Variants in RAB11FIP3 observed in about 807,000 individuals in gnomAD.
RAB11FIP3 encodes rab11 family-interacting protein 3.
In RAB11FIP3, 17 loss-of-function variants were observed where a neutral mutation model predicts 77.8. That is an observed-to-expected ratio of 0.22 (90% CI 0.15 to 0.33). RAB11FIP3 has a LOEUF of 0.33. Ranked by LOEUF, RAB11FIP3 falls within the 10% of genes least tolerant of loss-of-function variation. The probability of loss-of-function intolerance (pLI) is 1.00; values close to 1 mark genes in which losing one functional copy is unlikely to be tolerated. For synonymous variants in RAB11FIP3, 437 were observed against 448.2 expected, an observed-to-expected ratio of 0.98 and a Z score of 0.31; for missense variants, 1,005 against 1,011.2, an observed-to-expected ratio of 0.99 and a Z score of 0.08.
chr16:431,368 C>T (rs1275079781), intron 1 of RAB11FIP3, among the ~76,000 whole-genome samples: 1 of 151,492 alleles, frequency 6.6e-6, no homozygotes, highest in African/African-American at 2.4e-5. Flanking sequence ...TATTTTACTA[C>T]ATTTCTTTTC....
At chr16:444,260 A>G (rs557246281) in intron 1 of RAB11FIP3, among the ~76,000 whole-genome samples, 2 of 152,286 alleles carry the variant, frequency 1.3e-5, no homozygotes, top group African/African-American at 4.8e-5. Context: ...AATAAAGAAC[A>G]TGGAAATGCC....
intron 1 of RAB11FIP3, among the ~76,000 whole-genome samples, chr16:433,691 A>G (rs2055079238): frequency 6.6e-6 from 1 of 150,964 alleles, no homozygotes; most frequent in Non-Finnish European, 1.5e-5. Flanking sequence ...TACTAAAAAT[A>G]CAAAAAAAAA....
intron 9 of RAB11FIP3, among the ~76,000 whole-genome samples, chr16:517,795 G>T (rs1431902900): frequency 6.6e-6 from 1 of 151,666 alleles, no homozygotes; most frequent in Non-Finnish European, 1.5e-5. Flanking sequence ...TTTGATACAG[G>T]ATCTTGGCCG....
intron 9 of RAB11FIP3, among the ~76,000 whole-genome samples, chr16:516,830 G>A (rs2032437914): frequency 6.6e-6 from 1 of 152,134 alleles, no homozygotes; most frequent in South Asian, 2.1e-4. Flanking sequence ...TCCAGCTTGG[G>A]CGACAAGAGC....
At chr16:480,306 A>AAAAAAG (rs2056013455) in intron 3 of RAB11FIP3, among the ~76,000 whole-genome samples, 1 of 150,050 alleles carries the variant, frequency 6.7e-6, no homozygotes, top group South Asian at 2.1e-4. Flanking sequence ...AAAAAAAAAA[A>AAAAAAG]GTTGAATTGT....
intron 1 of RAB11FIP3, among the ~76,000 whole-genome samples, chr16:439,983 A>G (rs2055197422): frequency 1.3e-5 from 2 of 151,728 alleles, no homozygotes; most frequent in Admixed American, 1.3e-4. Flanking sequence ...AGCTGGGACT[A>G]CAGGTGCCTG....
chr16:517,954 C>T (rs1003433014), intron 9 of RAB11FIP3, among the ~76,000 whole-genome samples: 2 of 152,128 alleles, frequency 1.3e-5, no homozygotes, highest in Non-Finnish European at 2.9e-5. Context: ...TGGTGGCAGT[C>T]GCCTGTAGTC....
In RAB11FIP3 at chr16:520,780, A is replaced by G. The variant is rs1173096718; in HGVS notation, c.2212A>G (p.Ile738Val). 4 of 1,613,692 alleles carry G rather than the reference A, an allele frequency of 2.5e-6. No homozygotes were observed. The African/African-American group carries it at 4.0e-5, about 16-fold the overall frequency. The change falls in exon 14 of 14, where the codon ATC (isoleucine) becomes GTC (valine). Residue 738 changes from isoleucine to valine, a missense_variant. Coordinates refer to ENST00000262305, the MANE Select transcript of RAB11FIP3 (RefSeq NM_014700.4). ...EEINFRLQDY[I>V]DRIIVAIMET... ...GATCAACTTCCGCCTGCAGGACTAC[A>G]TCGACAGGATCATCGTGGCCATCAT... is the stretch of plus-strand genomic sequence containing the variant.
Position 506,112 on chromosome 16 carries a change from G to T in RAB11FIP3, c.1499+485G>T, listed in dbSNP as rs1260506022. 6.6e-6 allele frequency among the ~76,000 whole-genome samples: 1 copy of T among 152,248 alleles called. No individual in the cohort carries two copies. The highest frequency in any genetic ancestry group is 1.5e-5 in the Non-Finnish European group (1 of 68,038). ...AGGACGCGCAGTCTCATCGCTGTGGGCAGGAGTGCTGGGGAGGAAGCGAAG... is the reference window on the plus strand; with the variant it reads ...AGGACGCGCAGTCTCATCGCTGTGGTCAGGAGTGCTGGGGAGGAAGCGAAG... On this transcript the variant is annotated intron_variant, in intron 8 of 13. Coordinates refer to ENST00000262305, the MANE Select transcript of RAB11FIP3 (RefSeq NM_014700.4). The surrounding 1 kb of genome is among the most constrained non-coding windows in gnomAD (Gnocchi z 4.5).
At chr16:519,340 A>G (rs1415053825) in intron 10 of RAB11FIP3, among the ~76,000 whole-genome samples, 1 of 152,160 alleles carries the variant, frequency 6.6e-6, no homozygotes, top group Non-Finnish European at 1.5e-5. Context: ...TGGGGCTCCC[A>G]CACCCCAGCT....
Position 482,474 on chromosome 16 carries a change from C to T in RAB11FIP3, c.904-51C>T, listed in dbSNP as rs374372828. The T allele has an allele frequency of 1.3e-5, 21 of 1,564,246 alleles. No homozygotes were observed. The African/African-American group carries it at 2.4e-4, about 18-fold the overall frequency. On this transcript the variant is annotated intron_variant, in intron 3 of 13. Transcript: ENST00000262305. The stretch of plus-strand genomic sequence containing the variant: ...GCAGCAGTGAGGTGTGGGGCGTTCG[C>T]AGTTCCCCTCCCAGCTTGTGCCCGC...
Position 426,810 on chromosome 16 carries a change from G to C in RAB11FIP3, c.714+90G>C. 1.8e-6 allele frequency: 2 copies of C among 1,122,100 alleles called. No homozygotes were observed. Among genetic ancestry groups the C allele is most frequent in the South Asian group, 1.9e-5 (1 of 53,020 alleles). 69.5% of individuals were successfully genotyped at this position (1,122,100 alleles called of 1,614,324 possible). On this transcript the variant is annotated intron_variant, in intron 1 of 13. Transcript: ENST00000262305. The surrounding 1 kb of genome is among the most constrained non-coding windows in gnomAD (Gnocchi z 5.0). ...GTGGGACCGGTCGACGCTGCCCCTG[G>C]AGTCGGGAAAGGCACTGTCAAGACC...
At chr16:517,938 C>T (rs537824174) in intron 9 of RAB11FIP3, among the ~76,000 whole-genome samples, 6 of 152,208 alleles carry the variant, frequency 3.9e-5, no homozygotes, top group Admixed American at 6.5e-5. Context: ...AAAAATTAGC[C>T]GGGTGTGGTG....
At chr16:452,107 C>T (rs2055418297) in intron 1 of RAB11FIP3, among the ~76,000 whole-genome samples, 3 of 151,964 alleles carry the variant, frequency 2.0e-5, no homozygotes, top group Non-Finnish European at 4.4e-5. Context: ...GTTGAGATCG[C>T]GCCACTGTAC....
At position 501,055 on chromosome 16, in the gene RAB11FIP3, T is replaced by C. The variant is rs553354374; in HGVS notation, c.1302-1949T>C. Among the ~76,000 whole-genome samples the C allele has an allele frequency of 2.0e-5, 3 of 152,348 alleles. No homozygotes were observed. In the East Asian group the frequency reaches 5.8e-4, roughly 29 times the overall value. ...CCCCAGAGCCCCAGAAGGGCACCGGTGTGTTCCAGCTGGTGCACGTTCACA... is the reference window on the plus strand; with the variant it reads ...CCCCAGAGCCCCAGAAGGGCACCGGCGTGTTCCAGCTGGTGCACGTTCACA... On this transcript the variant is annotated intron_variant, in intron 6 of 13. Transcript: ENST00000262305.
chr16:436,622 T>A (rs1191587902), intron 1 of RAB11FIP3, among the ~76,000 whole-genome samples: 2 of 152,080 alleles, frequency 1.3e-5, no homozygotes, highest in African/African-American at 4.8e-5. Flanking sequence ...GCTGGGACTA[T>A]AAATGCCTGC....
At chr16:460,945 T>C (rs1256482653) in intron 1 of RAB11FIP3, among the ~76,000 whole-genome samples, 1 of 152,208 alleles carries the variant, frequency 6.6e-6, no homozygotes, top group African/African-American at 2.4e-5. Context: ...AGTCAGAGGC[T>C]GTCACTGTCA....
chr16:496,884 G>GA (rs2031185402), intron 6 of RAB11FIP3, 25 bp downstream of exon 6: 1 of 1,545,520 alleles, frequency 6.5e-7, no homozygotes, highest in Non-Finnish European at 8.9e-7. Flanking sequence ...GGTTCCTGCT[G>GA]AAAAACGTTC....
intron 5 of RAB11FIP3, 129 bp from the exon 6 acceptor site, chr16:496,695 G>A: frequency 1.2e-6 from 1 of 857,580 alleles, no homozygotes; most frequent in Non-Finnish European, 1.9e-6. Context: ...TTGCCTGGGG[G>A]GCCCTGCATG....
Sources: gnomAD v4.1 joint callset for allele counts (sites outside exome capture counted in the v4.1 genomes callset) on GRCh38, gnomAD v4.1.1 for gene constraint, Gnocchi (gnomAD v3.1) non-coding constraint, MANE v1.5 for transcripts, NCBI Gene and HGNC (gene_info 2026-07-23, HGNC 2026-07-21) for gene names.